The following PLEKHH2 variants were observed in gnomAD, a reference collection of about 807,000 sequenced individuals.
PLEKHH2 encodes the protein pleckstrin homology domain-containing family H member 2.
In PLEKHH2, 129 loss-of-function variants were observed where a neutral mutation model predicts 187.9. That is an observed-to-expected ratio of 0.69 (90% confidence interval 0.59 to 0.79). The LOEUF (loss-of-function observed/expected upper bound fraction) is 0.79. Among genes scored for constraint, PLEKHH2 ranks in the 30% least tolerant of loss-of-function variants. PLEKHH2 has a pLI of 0.00. For missense variants in PLEKHH2, 2,076 were observed against 1,751.2 expected (o/e 1.19, Z -3.31); for synonymous variants, 686 against 605.6 (o/e 1.13, Z -1.95).
At chr2:43,651,649 A>G (rs1666478729) in intron 2 of PLEKHH2, among the ~76,000 whole-genome samples, 1 of 152,152 alleles carries the variant, frequency 6.6e-6, no homozygotes, top group Non-Finnish European at 1.5e-5. Flanking sequence ...TATAAATTCT[A>G]TAGCACCTGT....
At chr2:43,709,751 G>C (rs535448582) in intron 11 of PLEKHH2, among the ~76,000 whole-genome samples, 2 of 152,132 alleles carry the variant, frequency 1.3e-5, no homozygotes, top group Admixed American at 6.5e-5. Context: ...CGGGAGAATC[G>C]CTTGAACCCA....
At chr2:43,660,570 T>C (rs1558436821) in intron 2 of PLEKHH2, among the ~76,000 whole-genome samples, 2 of 144,538 alleles carry the variant, frequency 1.4e-5, no homozygotes, top group Non-Finnish European at 3.0e-5. Context: ...CTGCACCCAC[T>C]AACTCGTCAT....
Position 43,660,706 on chromosome 2 carries a change from G to A in PLEKHH2, c.123+15910G>A, listed in dbSNP as rs1170728121. Among the ~76,000 whole-genome samples the A allele has an allele frequency of 3.1e-3, 394 of 126,860 alleles. 4 individuals are homozygous for A. Among genetic ancestry groups the A allele is most frequent in the Non-Finnish European group, 3.5e-3 (219 of 62,128 alleles). The allele number at this position is 126,860 out of a possible 152,430, so 83.2% of individuals were successfully genotyped here. On this transcript the variant is annotated intron_variant, in intron 2 of 29. Transcript: ENST00000282406. Reference sequence around the variant, plus strand: ...CATTGTTCAATTCCCACCTATGAGTGAGAATATGCAGTGTTTGGTTTTTTG... The same window carrying A: ...CATTGTTCAATTCCCACCTATGAGTAAGAATATGCAGTGTTTGGTTTTTTG...
At chr2:43,639,158 AC>A (rs1703252894) in intron 1 of PLEKHH2, among the ~76,000 whole-genome samples, 1 of 152,238 alleles carries the variant, frequency 6.6e-6, no homozygotes, top group African/African-American at 2.4e-5. Flanking sequence ...AGGGATAACC[AC>A]AAATAATGGT....
At chr2:43,694,702 A>T (rs1204324580) in intron 5 of PLEKHH2, among the ~76,000 whole-genome samples, 188 bp downstream of exon 5, 1 of 152,202 alleles carries the variant, frequency 6.6e-6, no homozygotes, top group Non-Finnish European at 1.5e-5. Context: ...AATTAAACAT[A>T]TTAATAGACT....
At chr2:43,675,502 G>C in intron 2 of PLEKHH2, 1 of 1,614,030 alleles carries the variant, frequency 6.2e-7, no homozygotes, top group Non-Finnish European at 8.5e-7. Context: ...TCCATTGAAA[G>C]TAATAGCCAT....
In PLEKHH2 at chr2:43,765,561, C is replaced by G. The variant is rs1330856790; in HGVS notation, c.4445C>G (p.Ser1482Ter). 6 of 1,613,312 alleles carry G rather than the reference C, an allele frequency of 3.7e-6. No individual in the cohort carries two copies. The East Asian group carries it at 8.9e-5, about 24-fold the overall frequency. Residue 1482 changes from serine (S) to a stop codon, truncating the protein, a stop_gained, in exon 30 of 30, where the codon TCA (serine) becomes TGA (stop). Coordinates refer to ENST00000282406, the MANE Select transcript of PLEKHH2 (RefSeq NM_172069.4). LOFTEE classifies it high-confidence loss of function. Reference sequence around the variant, plus strand: ...ATGATGGGAAGCCAGCCTCTTCTGTCAAGCAGCAGACCGACCAAAGGCCCC... The same window carrying G: ...ATGATGGGAAGCCAGCCTCTTCTGTGAAGCAGCAGACCGACCAAAGGCCCC... ...ARMMGSQPLLSSSRPTKGPTL... is the reference protein window; with the variant it reads ...ARMMGSQPLL
At chr2:43,646,611 C>T (rs1218644536) in intron 2 of PLEKHH2, among the ~76,000 whole-genome samples, 1 of 152,124 alleles carries the variant, frequency 6.6e-6, no homozygotes, top group Non-Finnish European at 1.5e-5. Context: ...AAGCATGTTG[C>T]AGCAAGTTTC....
At chr2:43,746,269 C>T (rs1465847175) in intron 24 of PLEKHH2, among the ~76,000 whole-genome samples, 3 of 152,156 alleles carry the variant, frequency 2.0e-5, no homozygotes, top group African/African-American at 7.2e-5. Context: ...TTTGGGAGGC[C>T]AAGGTGGGCA....
At chr2:43,699,315 T>C (rs563413861) in intron 7 of PLEKHH2, among the ~76,000 whole-genome samples, 7 of 152,308 alleles carry the variant, frequency 4.6e-5, no homozygotes, top group Admixed American at 1.3e-4. Context: ...CAAAAACTTG[T>C]GTTTAAAAAA....
At chr2:43,697,072 A>G (rs1669129989) in intron 6 of PLEKHH2, 99 bp from the exon 7 acceptor site, 1 of 991,374 alleles carries the variant, frequency 1.0e-6, no homozygotes, top group East Asian at 2.7e-5. Context: ...TTTTTCTGGC[A>G]TAAAGAGTGA....
At chr2:43,763,365 G>A (rs554783645) in intron 28 of PLEKHH2, among the ~76,000 whole-genome samples, 1 of 152,156 alleles carries the variant, frequency 6.6e-6, no homozygotes, top group African/African-American at 2.4e-5. Context: ...CATTAGATAT[G>A]CAGAGTCCTT....
intron 25 of PLEKHH2, among the ~76,000 whole-genome samples, chr2:43,754,077 G>A (rs1312871623): frequency 6.6e-6 from 1 of 151,436 alleles, no homozygotes; most frequent in African/African-American, 2.4e-5. Flanking sequence ...GAAATCGCTT[G>A]GTAGTCTAAT....
At position 43,700,150 on chromosome 2, in the gene PLEKHH2, T is replaced by C; in HGVS notation, c.1192T>C (p.Ser398Pro). ...KKFQSQRLDY[S>P]SSSSEANTPS... is the part of the protein sequence containing the mutation. ...ATTTCAATCCCAGAGACTCGATTAT[T>C]CATCTTCATCGAGTGAAGCCAACAC... The change falls in exon 8 of 30, where the codon TCA becomes CCA. Residue 398 changes from serine (S) to proline (P), a missense_variant. Physicochemically the swap from Ser to Pro is moderately conservative, Grantham distance 74. Transcript: ENST00000282406. 1 of 1,614,146 alleles carries C rather than the reference T, an allele frequency of 6.2e-7. No individual in the cohort carries two copies. Among genetic ancestry groups the C allele is most frequent in the South Asian group, 1.1e-5 (1 of 91,078 alleles).
intron 2 of PLEKHH2, among the ~76,000 whole-genome samples, chr2:43,659,118 G>A (rs928556084): frequency 1.3e-5 from 2 of 151,320 alleles, no homozygotes; most frequent in Admixed American, 6.6e-5. Flanking sequence ...GAATACAGGT[G>A]TGTGCCACCA....
At chr2:43,680,966 T>C in intron 3 of PLEKHH2, 1 of 1,078,788 alleles carries the variant, frequency 9.3e-7, no homozygotes, top group Non-Finnish European at 1.3e-6. Flanking sequence ...ATACACTGGA[T>C]TTCTAGTTTC....
At chr2:43,670,562 A>C (rs1426453900) in intron 2 of PLEKHH2, among the ~76,000 whole-genome samples, 2 of 152,120 alleles carry the variant, frequency 1.3e-5, no homozygotes, top group African/African-American at 2.4e-5. Context: ...TATAAATATC[A>C]TTCTCTTGAC....
intron 4 of PLEKHH2, among the ~76,000 whole-genome samples, chr2:43,693,079 C>T (rs1188662340): frequency 6.7e-6 from 1 of 149,350 alleles, no homozygotes; most frequent in Non-Finnish European, 1.5e-5. Flanking sequence ...GGGCATACAC[C>T]ACGACACCCA....
At position 43,765,660 on chromosome 2, in the gene PLEKHH2, C is replaced by T. The variant is rs1672596005; in HGVS notation, c.*62C>T. The T allele has an allele frequency of 6.5e-7, 1 of 1,528,460 alleles. No individual in the cohort carries two copies. The highest frequency in any genetic ancestry group is 1.4e-5 in the African/African-American group (1 of 72,208). 94.7% of individuals were successfully genotyped at this position (1,528,460 alleles called of 1,614,324 possible). On this transcript the variant is annotated 3_prime_UTR_variant, in exon 30 of 30. Transcript: ENST00000282406. ...ATGCTGTGGCTGTATCAGCTCCCTA[C>T]AAGTTCGTTTACACCTGGCAGCACG...
Sources: allele counts gnomAD v4.1 joint callset (sites outside exome capture counted in the v4.1 genomes callset), GRCh38; gene constraint gnomAD v4.1.1; transcripts MANE v1.5; gene names NCBI Gene and HGNC (gene_info 2026-07-23, HGNC 2026-07-21).